The following CEACAM6 variants were observed in gnomAD, a reference collection of about 807,000 sequenced individuals.
The protein encoded by CEACAM6 is cell adhesion molecule CEACAM6.
A neutral mutation model predicts 32.4 loss-of-function variants in CEACAM6; 21 were observed. That is an observed-to-expected ratio of 0.65 (90% CI 0.46 to 0.93). CEACAM6 has a LOEUF of 0.93. Among genes scored for constraint, CEACAM6 ranks in the 40% least tolerant of loss-of-function variants. The pLI, the probability that CEACAM6 is intolerant of heterozygous loss-of-function variation, is 0.00. For synonymous variants in CEACAM6, 184 were observed against 174.4 expected, an observed-to-expected ratio of 1.06 and a Z score of -0.43; for missense variants, 406 against 432.2, an observed-to-expected ratio of 0.94 and a Z score of 0.54.
At chr19:41,764,824 G>T (rs140579648) in intron 4 of CEACAM6, among the ~76,000 whole-genome samples, 2 of 152,200 alleles carry the variant, frequency 1.3e-5, no homozygotes, top group African/African-American at 4.8e-5. Flanking sequence ...TGTAAAGTTA[G>T]GTTGTTGATT....
At position 41,762,071 on chromosome 19, in the gene CEACAM6, A is replaced by G; in HGVS notation, c.806A>G (p.Tyr269Cys). ...GCAGCCTCTAACCCACCTGCACAGT[A>G]CTCTTGGTTTATCAATGGGACGTTC... ...CHAASNPPAQ[Y>C]SWFINGTFQQ... Residue 269 changes from tyrosine (Y) to cysteine (C), a missense_variant, in exon 4 of 6, where the codon TAC becomes TGC. By Grantham distance (194) the Tyr-to-Cys change is radical. Transcript: ENST00000199764. The G allele has an allele frequency of 6.2e-7, 1 of 1,613,976 alleles. No individual in the cohort carries two copies. Among genetic ancestry groups the G allele is most frequent in the South Asian group, 1.1e-5 (1 of 91,076 alleles).
chr19:41,768,712 G>T (rs1243748464), intron 5 of CEACAM6, among the ~76,000 whole-genome samples: 3 of 147,128 alleles, frequency 2.0e-5, no homozygotes, highest in East Asian at 2.1e-4. Context: ...AGACGGGGCG[G>T]CTGGCCGGGC....
At chr19:41,761,913 G>A (rs1256674258) in intron 3 of CEACAM6, 56 bp from the exon 4 acceptor site, 1 of 1,599,282 alleles carries the variant, frequency 6.3e-7, no homozygotes, top group African/African-American at 1.3e-5. Flanking sequence ...CCACAGACCA[G>A]GAACTTATGC....
chr19:41,757,976 CGGGG>C (rs1568724557), intron 2 of CEACAM6: 1 of 152,262 alleles, frequency 6.6e-6, no homozygotes, highest in South Asian at 2.1e-4. Context: ...TCTCCTCAAC[CGGGG>C]GTGATGGGGC....
At chr19:41,757,314 T>A (rs2122905919) in intron 2 of CEACAM6, among the ~76,000 whole-genome samples, 1 of 152,060 alleles carries the variant, frequency 6.6e-6, no homozygotes, top group African/African-American at 2.4e-5. Flanking sequence ...TAGGGACCCC[T>A]CAGAGAGAAG....
At position 41,771,518 on chromosome 19, in the gene CEACAM6, T is replaced by C. The variant is rs1199825513; in HGVS notation, c.*757T>C. On this transcript the variant is annotated 3_prime_UTR_variant, in exon 6 of 6. Coordinates refer to ENST00000199764, the MANE Select transcript of CEACAM6 (RefSeq NM_002483.7). ...AGAAATTAACAAATGTGCTGCTTGG[T>C]TAAAATGGCTACACTCATCTGACTC... is the stretch of plus-strand genomic sequence containing the variant. The C allele has an allele frequency of 2.0e-5, 3 of 152,212 alleles. No homozygotes were observed. Among genetic ancestry groups the C allele is most frequent in the African/African-American group, 7.2e-5 (3 of 41,442 alleles). The allele number at this position is 152,212 out of a possible 1,614,324, so 9.4% of individuals were successfully genotyped here. A position where few individuals can be genotyped will look rare whatever the true frequency, so the allele number is the denominator to read the frequency against.
In CEACAM6 at chr19:41,756,815, G is replaced by C; in HGVS notation, c.280G>C (p.Ala94Pro). Reference sequence around the variant, plus strand: ...AACTCAACAAGCTACCCCAGGGCCCGCATACAGTGGTCGAGAGACAATATA... The same window carrying C: ...AACTCAACAAGCTACCCCAGGGCCCCCATACAGTGGTCGAGAGACAATATA... The part of the protein sequence containing the change: ...IGTQQATPGP[A>P]YSGRETIYPN... Residue 94 changes from alanine to proline, a missense_variant, in exon 2 of 6, where the codon GCA becomes CCA. Transcript: ENST00000199764. 6.2e-7 allele frequency: 1 copy of C among 1,614,080 alleles called. No homozygotes were observed. The highest frequency in any genetic ancestry group is 8.5e-7 in the Non-Finnish European group (1 of 1,180,012).
At chr19:41,760,219 G>T (rs2072914166) in intron 2 of CEACAM6, among the ~76,000 whole-genome samples, 1 of 152,194 alleles carries the variant, frequency 6.6e-6, no homozygotes, top group South Asian at 2.1e-4. Context: ...GATTCCATGA[G>T]TGTGACTACT....
chr19:41,766,244 G>T lies in CEACAM6; in HGVS notation c.1020G>T (p.Arg340Ser). ...TVGITIGVLA[R>S]VALI ...GCATCACGATTGGAGTGCTGGCCAG[G>T]GTGGCTCTGATATAGCAGCCCTGGT... is the stretch of plus-strand genomic sequence containing the variant. The change falls in exon 5 of 6, where the codon AGG becomes AGT. Residue 340 changes from arginine (R) to serine (S), a missense_variant. Physicochemically the swap from Arg to Ser is moderately radical, Grantham distance 110. Coordinates refer to ENST00000199764, the MANE Select transcript of CEACAM6 (RefSeq NM_002483.7). 6.2e-7 allele frequency: 1 copy of T among 1,601,562 alleles called. No individual in the cohort carries two copies. The highest frequency in any genetic ancestry group is 8.5e-7 in the Non-Finnish European group (1 of 1,174,828).
At chr19:41,762,352 G>A in intron 4 of CEACAM6, 129 bp downstream of exon 4, 1 of 1,054,346 alleles carries the variant, frequency 9.5e-7, no homozygotes, top group Non-Finnish European at 1.4e-6. Context: ...ATTCTCCCCT[G>A]AACCCTCCCA....
chr19:41,760,924 G>A (rs782277964), intron 2 of CEACAM6, among the ~76,000 whole-genome samples: 1 of 152,222 alleles, frequency 6.6e-6, no homozygotes, highest in Non-Finnish European at 1.5e-5. Context: ...AGGACTCCAA[G>A]GGAAGCCAGG....
chr19:41,767,042 G>T (rs894408488), intron 5 of CEACAM6, among the ~76,000 whole-genome samples: 1 of 149,062 alleles, frequency 6.7e-6, no homozygotes, highest in Non-Finnish European at 1.5e-5. Context: ...AAAGGAACCT[G>T]CTCTGGCCTA....
At position 41,756,528 on chromosome 19, in the gene CEACAM6, G is replaced by A. The variant is rs923455274; in HGVS notation, c.65-72G>A. On this transcript the variant is annotated intron_variant, in intron 1 of 5. Transcript: ENST00000199764. ...TGGAGGGGTGAAGAGACCTGCTCAG[G>A]ACCCAGGGCCCTGTTTTTCCACCCT... 19 of 1,554,048 alleles carry A rather than the reference G, an allele frequency of 1.2e-5. No individual in the cohort carries two copies. The African/African-American group carries it at 1.8e-4, about 15-fold the overall frequency.
chr19:41,770,292 G>A (rs1042130766), intron 5 of CEACAM6, among the ~76,000 whole-genome samples: 45 of 151,740 alleles, frequency 3.0e-4, no homozygotes, highest in Non-Finnish European at 5.0e-4. Flanking sequence ...GTGTGGTGGC[G>A]GGCTCCTGTA....
chr19:41,765,052 C>A (rs921848159), intron 4 of CEACAM6, among the ~76,000 whole-genome samples: 4 of 152,194 alleles, frequency 2.6e-5, no homozygotes, highest in Admixed American at 2.6e-4. Context: ...AAATGCCACA[C>A]ACAAAGAAAA....
intron 2 of CEACAM6, among the ~76,000 whole-genome samples, chr19:41,760,953 G>A (rs909529960): frequency 7.2e-5 from 11 of 152,234 alleles, no homozygotes; most frequent in Admixed American, 3.3e-4. Context: ...TGGTCAGGGA[G>A]AAACCAGGAG....
chr19:41,761,656 C>T, intron 3 of CEACAM6, 129 bp downstream of exon 3: 3 of 1,467,556 alleles, frequency 2.0e-6, no homozygotes, highest in Non-Finnish European at 2.8e-6. Context: ...GACTTCCTGC[C>T]CTGAGCAAAC....
chr19:41,759,104 C>T (rs1157417966), intron 2 of CEACAM6, among the ~76,000 whole-genome samples: 1 of 152,214 alleles, frequency 6.6e-6, no homozygotes, highest in Admixed American at 6.5e-5. Flanking sequence ...CTTCCGTCCT[C>T]ATCTTGGTGT....
chr19:41,766,922 C>T lies in CEACAM6; in HGVS notation c.*40+623C>T, dbSNP rs542691731. Among the ~76,000 whole-genome samples, 65 of 146,194 alleles carry T rather than the reference C, an allele frequency of 4.4e-4. No individual in the cohort carries two copies. The South Asian group carries it at 0.014, about 31-fold the overall frequency. ...TCGGGAGGCTGAGGCAGGAGAATGGCGTGAACCTGGGAGGTGGAGCTTGCA... is the reference window on the plus strand; with the variant it reads ...TCGGGAGGCTGAGGCAGGAGAATGGTGTGAACCTGGGAGGTGGAGCTTGCA... On this transcript the variant is annotated intron_variant, in intron 5 of 5. Coordinates refer to ENST00000199764, the MANE Select transcript of CEACAM6 (RefSeq NM_002483.7).
Sources: gnomAD v4.1 joint callset for allele counts (sites outside exome capture counted in the v4.1 genomes callset) on GRCh38, gnomAD v4.1.1 for gene constraint, MANE v1.5 for transcripts, NCBI Gene and HGNC (gene_info 2026-07-23, HGNC 2026-07-21) for gene names.